The following AFF2 variants were observed in gnomAD, a reference collection of about 807,000 sequenced individuals.
AFF2 encodes AF4/FMR2 family member 2.
A neutral mutation model predicts 76.9 loss-of-function variants in AFF2; 14 were observed. That is an observed-to-expected ratio of 0.18 (90% CI 0.12 to 0.28). AFF2 has a LOEUF of 0.28. AFF2 is among the 10% of genes least tolerant of loss of function. The pLI is 1.00. For synonymous variants in AFF2, 398 were observed against 366.7 expected (o/e 1.09, Z -0.98); for missense variants, 868 against 1,001.1 (o/e 0.87, Z 1.79).
intron 1 of AFF2, among the ~76,000 whole-genome samples, chrX:148,590,019 G>C (rs1164234543): frequency 4.9e-5 from 5 of 101,160 alleles, no homozygotes; most frequent in Non-Finnish European, 8.0e-5. Flanking sequence ...AACTGAGAGC[G>C]GTCACAGAGC....
chrX:148,831,302 A>G (rs928167654), intron 4 of AFF2, among the ~76,000 whole-genome samples: 1 of 112,515 alleles, frequency 8.9e-6, no homozygotes, highest in African/African-American at 3.2e-5. Flanking sequence ...TAAAGTAAAG[A>G]CAGGCATAGG....
intron 1 of AFF2, among the ~76,000 whole-genome samples, chrX:148,633,630 A>T (rs1228309238): frequency 9.0e-6 from 1 of 111,417 alleles, no homozygotes; most frequent in Non-Finnish European, 1.9e-5. Context: ...TTATTTAATA[A>T]CTCTTTCTAC....
intron 1 of AFF2, among the ~76,000 whole-genome samples, chrX:148,533,385 C>T (rs1424730774): frequency 1.8e-5 from 2 of 109,928 alleles, no homozygotes; most frequent in Admixed American, 9.7e-5. Context: ...CTGTGACTCC[C>T]GGGTTCACGA....
chrX:148,866,013 G>A (rs1603321124), intron 7 of AFF2, among the ~76,000 whole-genome samples: 1 of 111,748 alleles, frequency 8.9e-6, no homozygotes, highest in African/African-American at 3.3e-5. Context: ...AAAAAACGAG[G>A]CTCTTAATTG....
intron 7 of AFF2, among the ~76,000 whole-genome samples, chrX:148,855,176 T>C (rs1557275797): frequency 2.7e-5 from 3 of 111,540 alleles, no homozygotes; most frequent in African/African-American, 9.8e-5. Flanking sequence ...ATCTAAAGAC[T>C]TTGGGTAGAA....
At chrX:148,969,352 G>T (rs1411778917) in intron 15 of AFF2, among the ~76,000 whole-genome samples, 1 of 112,532 alleles carries the variant, frequency 8.9e-6, no homozygotes, top group East Asian at 2.8e-4. Context: ...CATAAAGAGA[G>T]AATAAGTATA....
intron 1 of AFF2, among the ~76,000 whole-genome samples, chrX:148,592,600 A>G (rs1311625067): frequency 1.8e-5 from 2 of 112,016 alleles, no homozygotes; most frequent in African/African-American, 6.5e-5. Context: ...CCCTGAATAT[A>G]TGATGACAGC....
intron 1 of AFF2, among the ~76,000 whole-genome samples, chrX:148,575,026 A>C (rs2053272265): frequency 9.1e-6 from 1 of 109,314 alleles, no homozygotes; most frequent in African/African-American, 3.3e-5. Flanking sequence ...CTGGGACAAG[A>C]GAAGCACTAA....
At chrX:148,643,296 C>A (rs1479478931) in intron 1 of AFF2, among the ~76,000 whole-genome samples, 1 of 111,788 alleles carries the variant, frequency 8.9e-6, no homozygotes, top group Non-Finnish European at 1.9e-5. Context: ...TAAATGAATA[C>A]ATTTGCTATA....
chrX:148,545,704 C>G (rs2052912914), intron 1 of AFF2, among the ~76,000 whole-genome samples: 1 of 109,760 alleles, frequency 9.1e-6, no homozygotes, highest in African/African-American at 3.3e-5. Flanking sequence ...GGTTTTCAAA[C>G]TTTTGCTCCA....
intron 1 of AFF2, among the ~76,000 whole-genome samples, chrX:148,616,232 G>T: frequency 9.0e-6 from 1 of 111,667 alleles, no homozygotes; most frequent in Non-Finnish European, 1.9e-5. Context: ...AAGCCACTCT[G>T]GGCTTTAATC....
chrX:148,597,049 T>C lies in AFF2; in HGVS notation c.48-54950T>C, dbSNP rs936480205. ...GTTATGACATCTGCTGGGGGGCAGATGAAGGGGTCTGGCTTACCCTATTTT... is the reference window on the plus strand; with the variant it reads ...GTTATGACATCTGCTGGGGGGCAGACGAAGGGGTCTGGCTTACCCTATTTT... On this transcript the variant is annotated intron_variant, in intron 1 of 20. Coordinates refer to ENST00000370460, the MANE Select transcript of AFF2 (RefSeq NM_002025.4). 2.7e-5 allele frequency among the ~76,000 whole-genome samples: 3 copies of C among 111,961 alleles called. No homozygotes were observed. The East Asian group carries it at 8.5e-4, about 32-fold the overall frequency.
chrX:148,636,176 C>A (rs1446937345), intron 1 of AFF2, among the ~76,000 whole-genome samples: 1 of 111,251 alleles, frequency 9.0e-6, no homozygotes, highest in Non-Finnish European at 1.9e-5. Context: ...TCATACATTA[C>A]GATGAATAGA....
At chrX:148,866,532 G>A (rs1557276869) in intron 7 of AFF2, among the ~76,000 whole-genome samples, 1 of 112,038 alleles carries the variant, frequency 8.9e-6, no homozygotes, top group East Asian at 2.8e-4. Context: ...CTGTAAAATG[G>A]CAAAATGCCA....
At chrX:148,629,101 T>G (rs1199373801) in intron 1 of AFF2, among the ~76,000 whole-genome samples, 8 of 102,841 alleles carry the variant, frequency 7.8e-5, no homozygotes, top group Non-Finnish European at 2.0e-5. Context: ...TGACAAGAGT[T>G]TGTGTGTGTG....
In AFF2 at chrX:148,971,862, C is replaced by T. The variant is rs369369284; in HGVS notation, c.3268-1609C>T. Among the ~76,000 whole-genome samples, 211 of 36,758 alleles carry T rather than the reference C, an allele frequency of 5.7e-3. 5 individuals are homozygous for T. The highest frequency in any genetic ancestry group is 0.023 in the African/African-American group (165 of 7,243). 31.9% of individuals were successfully genotyped at this position (36,758 alleles called of 115,157 possible). On this transcript the variant is annotated intron_variant, in intron 15 of 20. Coordinates refer to ENST00000370460, the MANE Select transcript of AFF2 (RefSeq NM_002025.4). ...TATGTATACATGTGCCATGCTGGTG[C>T]GCTGCACCCACTAACGTGTCATCTA...
rs149045502 is a variant in AFF2, at chrX:148,638,808, A to G, written c.48-13191A>G. On this transcript the variant is annotated intron_variant, in intron 1 of 20. Coordinates refer to ENST00000370460, the MANE Select transcript of AFF2 (RefSeq NM_002025.4). ...AAGCCATGAGGGATCTGCCCCCGTG[A>G]CCTAAGTACCTCGTGAGATTTGGTG... Among the ~76,000 whole-genome samples the G allele has an allele frequency of 4.3e-3, 484 of 111,498 alleles. 3 individuals carry two copies. Among genetic ancestry groups the G allele is most frequent in the African/African-American group, 0.015 (449 of 30,699 alleles).
chrX:148,974,461 G>A (rs782789411), intron 16 of AFF2, among the ~76,000 whole-genome samples: 1 of 111,233 alleles, frequency 9.0e-6, no homozygotes, highest in Non-Finnish European at 1.9e-5. Flanking sequence ...GTCCCATCTG[G>A]CTTGATTAAT....
chrX:148,506,227 C>T (rs1166165055), intron 1 of AFF2, among the ~76,000 whole-genome samples: 5 of 111,787 alleles, frequency 4.5e-5, no homozygotes, highest in Non-Finnish European at 7.5e-5. Context: ...CCTGCATCAT[C>T]AACAACTGAC....
Sources: gnomAD v4.1 joint callset for allele counts (sites outside exome capture counted in the v4.1 genomes callset) on GRCh38, gnomAD v4.1.1 for gene constraint, MANE v1.5 for transcripts, NCBI Gene and HGNC (gene_info 2026-07-23, HGNC 2026-07-21) for gene names.